ARHGAP32: variants seen among roughly 807,000 people sequenced by gnomAD.
The protein encoded by ARHGAP32 is rho GTPase-activating protein 32.
A neutral mutation model predicts 186.5 loss-of-function variants in ARHGAP32; 51 were observed. The ratio of observed to expected loss-of-function variants is 0.27; its 90% confidence interval spans 0.22 to 0.35. The LOEUF (loss-of-function observed/expected upper bound fraction) is 0.35, where lower values mean the gene tolerates loss of function less well. Among genes scored for constraint, ARHGAP32 ranks in the 10% least tolerant of loss-of-function variants. The pLI, the probability that ARHGAP32 is intolerant of heterozygous loss-of-function variation, is 1.00. For missense variants in ARHGAP32, 2,186 were observed against 2,623.5 expected (o/e 0.83, Z 3.64); for synonymous variants, 950 against 964.3 (o/e 0.99, Z 0.27).
At chr11:129,239,514 CT>C (rs1246855871) in intron 1 of ARHGAP32, among the ~76,000 whole-genome samples, 2 of 152,142 alleles carry the variant, frequency 1.3e-5, no homozygotes, top group African/African-American at 4.8e-5. Flanking sequence ...CACTAACCAC[CT>C]TTTAGTTAGT....
chr11:129,125,964 G>A (rs766831064), intron 2 of ARHGAP32: 557 of 427,806 alleles, frequency 1.3e-3, no homozygotes, highest in Non-Finnish European at 2.2e-3. Context: ...GCTACCACAC[G>A]GATTCAATGA....
At position 129,233,011 on chromosome 11, in the gene ARHGAP32, T is replaced by C. The variant is rs191370672; in HGVS notation, c.-5+46135A>G. 7.9e-5 allele frequency among the ~76,000 whole-genome samples: 12 copies of C among 152,280 alleles called. 1 individual carries two copies. Among genetic ancestry groups the C allele is most frequent in the Admixed American group, 5.9e-4 (9 of 15,298 alleles). On this transcript the variant is annotated intron_variant, in intron 1 of 6. Transcript: ENST00000525234. Reference sequence around the variant, plus strand: ...CTTAAACATATATATTTGTCAAAACTTTTCACACTGTACACTTAAGACATG... The same window carrying C: ...CTTAAACATATATATTTGTCAAAACCTTTCACACTGTACACTTAAGACATG...
At chr11:129,089,308 AC>A (rs145036137) in intron 6 of ARHGAP32, among the ~76,000 whole-genome samples, 136 of 152,374 alleles carry the variant, frequency 8.9e-4, no homozygotes, top group African/African-American at 3.0e-3. Context: ...GAAAACAAAT[AC>A]TTTTTAAAGT....
chr11:129,262,359 T>TA (rs1378506056), intron 1 of ARHGAP32, among the ~76,000 whole-genome samples: 3 of 151,914 alleles, frequency 2.0e-5, no homozygotes, highest in African/African-American at 7.3e-5. Context: ...ACCTTACAAA[T>TA]AAACAGCTTT....
chr11:129,190,572 T>G (rs1468240316), intron 1 of ARHGAP32, among the ~76,000 whole-genome samples: 1 of 152,194 alleles, frequency 6.6e-6, no homozygotes, highest in Non-Finnish European at 1.5e-5. Flanking sequence ...CTTACACAAA[T>G]TTGCTTTTAA....
At chr11:129,248,817 T>C (rs1221689477) in intron 1 of ARHGAP32, among the ~76,000 whole-genome samples, 1 of 152,224 alleles carries the variant, frequency 6.6e-6, no homozygotes, top group Non-Finnish European at 1.5e-5. Flanking sequence ...TGTGTTTTTT[T>C]CTGCTGTATT....
At position 128,980,213 on chromosome 11, in the gene ARHGAP32, C is replaced by T. The variant is rs939225117; in HGVS notation, c.1976+340G>A. Among the ~76,000 whole-genome samples the T allele has an allele frequency of 3.3e-5, 5 of 152,216 alleles. No homozygotes were observed. The South Asian group carries it at 8.3e-4, about 25-fold the overall frequency. ...TTCCTGACTTTCTGAACAAACTCTT[C>T]CAACACAGCTTATTTCTAAACAACT... On this transcript the variant is annotated intron_variant, in intron 18 of 22. Transcript: ENST00000682385.
At chr11:129,246,306 AAAATTTCAACCAAAGTATCATCAAAT>A (rs1241685903) in intron 1 of ARHGAP32, among the ~76,000 whole-genome samples, 17 of 152,236 alleles carry the variant, frequency 1.1e-4, no homozygotes, top group African/African-American at 3.9e-4. Flanking sequence ...CGAAAGGTCA[AAAATTTCAACCAAAGTATCATCAAAT>A]AAGGGACTCA....
chr11:129,169,242 T>A (rs1403357377), intron 1 of ARHGAP32, among the ~76,000 whole-genome samples: 1 of 151,576 alleles, frequency 6.6e-6, no homozygotes, highest in South Asian at 2.1e-4. Flanking sequence ...AAATGAACAA[T>A]CCCTAGAATA....
At position 128,971,074 on chromosome 11, in the gene ARHGAP32, C is replaced by G. The variant is rs779974510; in HGVS notation, c.4139G>C (p.Gly1380Ala). ...DPASAFISDSGAAAAQCPMAT... is the reference protein window; with the variant it reads ...DPASAFISDSAAAAAQCPMAT... Reference sequence around the variant, plus strand: ...CATGGGACACTGAGCAGCAGCAGCACCACTGTCACTGATGAAGGCAGACGC... The same window carrying G: ...CATGGGACACTGAGCAGCAGCAGCAGCACTGTCACTGATGAAGGCAGACGC... The change falls in exon 23 of 23, where the codon GGT becomes GCT. Residue 1380 changes from glycine to alanine, a missense_variant. Physicochemically the swap from Gly to Ala is moderately conservative, Grantham distance 60. Transcript: ENST00000682385. 9.3e-6 allele frequency: 15 copies of G among 1,614,076 alleles called. No individual in the cohort carries two copies. Among genetic ancestry groups the G allele is most frequent in the Admixed American group, 1.7e-5 (1 of 60,006 alleles).
intron 1 of ARHGAP32, among the ~76,000 whole-genome samples, chr11:129,246,160 T>C (rs1047839391): frequency 2.0e-5 from 3 of 152,352 alleles, no homozygotes; most frequent in East Asian, 3.9e-4. Context: ...CAGAGTCATC[T>C]TGAGCTTGGG....
At chr11:129,278,153 A>G (rs1444940481) in intron 1 of ARHGAP32, among the ~76,000 whole-genome samples, 1 of 152,270 alleles carries the variant, frequency 6.6e-6, no homozygotes, top group Non-Finnish European at 1.5e-5. Flanking sequence ...ACTGACTTAA[A>G]AGGTCTAAAT....
intron 1 of ARHGAP32, among the ~76,000 whole-genome samples, chr11:129,273,139 T>C (rs972380759): frequency 2.6e-5 from 4 of 152,210 alleles, no homozygotes; most frequent in Admixed American, 2.6e-4. Flanking sequence ...TGCCAGATCA[T>C]TCCACTATCT....
Position 129,203,666 on chromosome 11 carries a change from G to A in ARHGAP32, c.-4-39239C>T, listed in dbSNP as rs1395245023. ...GCACTTTGAGAGGCTGAGGCAGGAGGATCCCTTAAGGCCAGGAGTTTAAGA... is the reference window on the plus strand; with the variant it reads ...GCACTTTGAGAGGCTGAGGCAGGAGAATCCCTTAAGGCCAGGAGTTTAAGA... On this transcript the variant is annotated intron_variant, in intron 1 of 6. Coordinates refer to the ARHGAP32 transcript ENST00000525234. Among the ~76,000 whole-genome samples the A allele has an allele frequency of 2.1e-5, 3 of 144,510 alleles. No individual in the cohort carries two copies. The East Asian group carries it at 6.0e-4, about 29-fold the overall frequency. 94.8% of individuals were successfully genotyped at this position (144,510 alleles called of 152,430 possible). A position where few individuals can be genotyped will look rare whatever the true frequency, so the allele number is the denominator to read the frequency against.
At chr11:129,259,903 G>C (rs556772005) in intron 1 of ARHGAP32, among the ~76,000 whole-genome samples, 91 of 151,922 alleles carry the variant, frequency 6.0e-4, no homozygotes, top group African/African-American at 2.1e-3. Context: ...TGTTTTTCTG[G>C]AGTAGGGTCA....
chr11:129,168,623 CTG>C (rs1943687443), intron 1 of ARHGAP32, among the ~76,000 whole-genome samples: 1 of 152,172 alleles, frequency 6.6e-6, no homozygotes, highest in Non-Finnish European at 1.5e-5. Flanking sequence ...GCAGACAAAA[CTG>C]TAAGTATATG....
intron 1 of ARHGAP32, among the ~76,000 whole-genome samples, chr11:129,191,004 C>A (rs1317329388): frequency 6.6e-6 from 1 of 151,784 alleles, no homozygotes; most frequent in Non-Finnish European, 1.5e-5. Flanking sequence ...TTATTTGAAC[C>A]CCAGAGTAAA....
intron 5 of ARHGAP32, among the ~76,000 whole-genome samples, chr11:129,104,208 T>C (rs999444586): frequency 6.6e-6 from 1 of 152,012 alleles, no homozygotes; most frequent in Admixed American, 6.5e-5. Flanking sequence ...AAAGGGATTC[T>C]AAAAGAATAA....
At chr11:129,100,674 CCTTATA>C (rs936550783) in intron 5 of ARHGAP32, among the ~76,000 whole-genome samples, 3 of 152,238 alleles carry the variant, frequency 2.0e-5, no homozygotes, top group Middle Eastern at 3.4e-3. Flanking sequence ...TGCACCCTGC[CCTTATA>C]CTAACACTGC....
Sources: allele counts gnomAD v4.1 joint callset (sites outside exome capture counted in the v4.1 genomes callset), GRCh38; gene constraint gnomAD v4.1.1; transcripts MANE v1.5; gene names NCBI Gene and HGNC (gene_info 2026-07-23, HGNC 2026-07-21).